Variants in REDIC1 observed in about 807,000 individuals in gnomAD.
REDIC1 encodes the protein HEI10 Interacting Protein 1.
the REDIC1 span, among the ~76,000 whole-genome samples, chr12:39,811,460 T>G: frequency 6.6e-6 from 1 of 152,166 alleles, no homozygotes; most frequent in African/African-American, 2.4e-5. Flanking sequence ...AAGTTTGCTG[T>G]TAAGTATTGC....
At chr12:39,894,895 A>T in the REDIC1 span, among the ~76,000 whole-genome samples, 1 of 152,244 alleles carries the variant, frequency 6.6e-6, no homozygotes, top group Non-Finnish European at 1.5e-5. Context: ...ATATGAAACC[A>T]TCGGATGCTT....
chr12:39,752,068 A>C, the REDIC1 span, among the ~76,000 whole-genome samples: 1 of 152,156 alleles, frequency 6.6e-6, no homozygotes, highest in African/African-American at 2.4e-5. Context: ...AAATTTGTTG[A>C]TCACATACTA....
chr12:39,848,370 A>T, the REDIC1 span, among the ~76,000 whole-genome samples: 1 of 152,238 alleles, frequency 6.6e-6, no homozygotes, highest in African/African-American at 2.4e-5. Context: ...AAAGGACATG[A>T]ACAGACACCT....
the REDIC1 span, chr12:39,650,470 A>G: frequency 7.5e-7 from 1 of 1,330,868 alleles, no homozygotes. This position sits in a 1 kb window ranked among gnomAD's most constrained non-coding sequence, Gnocchi z 4.3. Flanking sequence ...GTCCTAAGTA[A>G]TACTTCTAGA....
chr12:39,845,356 G>A, the REDIC1 span, among the ~76,000 whole-genome samples: 2 of 151,828 alleles, frequency 1.3e-5, no homozygotes, highest in African/African-American at 4.8e-5. Flanking sequence ...AAAGAACCTT[G>A]GTAACCAAAT....
At chr12:39,714,359 A>G in the REDIC1 span, among the ~76,000 whole-genome samples, 304 of 147,198 alleles carry the variant, frequency 2.1e-3, 101 homozygotes, top group African/African-American at 7.0e-3. Flanking sequence ...GTATATGTGT[A>G]TATATGTGCT....
chr12:39,627,804 C>G, the REDIC1 span, among the ~76,000 whole-genome samples: 1 of 152,024 alleles, frequency 6.6e-6, no homozygotes, highest in South Asian at 2.1e-4. Context: ...GGCAGAATTG[C>G]AATTCAGGGC....
the REDIC1 span, among the ~76,000 whole-genome samples, chr12:39,697,328 AT>A: frequency 1.3e-5 from 2 of 152,248 alleles, no homozygotes; most frequent in Non-Finnish European, 2.9e-5. Context: ...CTGAGGGATT[AT>A]CAACACCAGA....
the REDIC1 span, chr12:39,692,190 GA>G: frequency 8.0e-7 from 1 of 1,257,630 alleles, no homozygotes; most frequent in African/African-American, 1.5e-5. Context: ...AATTTGAAGT[GA>G]TTTTTTAGAT....
the REDIC1 span, among the ~76,000 whole-genome samples, chr12:39,891,902 G>T: frequency 6.6e-6 from 1 of 152,022 alleles, no homozygotes; most frequent in African/African-American, 2.4e-5. Context: ...AGTTGTCTAT[G>T]GTTTTTCTAA....
the REDIC1 span, among the ~76,000 whole-genome samples, chr12:39,671,966 G>A: frequency 6.6e-5 from 10 of 152,126 alleles, no homozygotes; most frequent in South Asian, 2.1e-4. Context: ...TTGGGCAGTG[G>A]GGGCTAGTGC....
chr12:39,906,095 C>T, the REDIC1 span, among the ~76,000 whole-genome samples: 5 of 148,084 alleles, frequency 3.4e-5, no homozygotes, highest in Admixed American at 3.5e-4. Context: ...TAAAATTCAC[C>T]TATGTTGGAC....
chr12:39,626,761 A>G, the REDIC1 span, among the ~76,000 whole-genome samples: 3 of 152,190 alleles, frequency 2.0e-5, no homozygotes, highest in African/African-American at 7.2e-5. Flanking sequence ...GAATTTGGAA[A>G]TTGTGAAACA....
chr12:39,884,206 C>A, the REDIC1 span, among the ~76,000 whole-genome samples: 41 of 152,060 alleles, frequency 2.7e-4, no homozygotes, highest in African/African-American at 7.7e-4. Context: ...TGGCCTCAAG[C>A]CACCCTTCTG....
At chr12:39,771,490 C>T in the REDIC1 span, among the ~76,000 whole-genome samples, 1 of 152,116 alleles carries the variant, frequency 6.6e-6, no homozygotes, top group African/African-American at 2.4e-5. Context: ...CACAAAACCA[C>T]AAATTACTGA....
chr12:39,791,231 A>G, the REDIC1 span, among the ~76,000 whole-genome samples: 2 of 148,210 alleles, frequency 1.3e-5, no homozygotes, highest in Admixed American at 6.8e-5. Flanking sequence ...TTTCAAAATA[A>G]TAAGAGCTAT....
chr12:39,648,019 A>G, the REDIC1 span: 3 of 1,261,006 alleles, frequency 2.4e-6, no homozygotes, highest in Non-Finnish European at 3.2e-6. Flanking sequence ...ATATAATTAT[A>G]TTTTCATGAA....
the REDIC1 span, among the ~76,000 whole-genome samples, chr12:39,743,991 G>T: frequency 6.6e-6 from 1 of 151,748 alleles, no homozygotes; most frequent in Non-Finnish European, 1.5e-5. Flanking sequence ...TAGGAAGCTG[G>T]ATAAATGCCA....
At chr12:39,752,607 G>C in the REDIC1 span, among the ~76,000 whole-genome samples, 2 of 152,148 alleles carry the variant, frequency 1.3e-5, no homozygotes, top group South Asian at 4.1e-4. Context: ...TGAAAGGCAT[G>C]ATTGCATTAC....
Sources: gnomAD v4.1 joint callset for allele counts (sites outside exome capture counted in the v4.1 genomes callset) on GRCh38, gnomAD v4.1.1 for gene constraint, Gnocchi (gnomAD v3.1) non-coding constraint, MANE v1.5 for transcripts, NCBI Gene and HGNC (gene_info 2026-07-23, HGNC 2026-07-21) for gene names.